CELSR1: variants seen among roughly 807,000 people sequenced by gnomAD.
CELSR1 encodes the protein cadherin EGF LAG seven-pass G-type receptor 1.
A neutral mutation model predicts 249.1 loss-of-function variants in CELSR1; 110 were observed. That is an observed-to-expected ratio of 0.44 (90% CI 0.38 to 0.52). The LOEUF is 0.52. Ranked by LOEUF, CELSR1 falls within the 20% of genes least tolerant of loss-of-function variation. The probability of loss-of-function intolerance (pLI) is 0.00; values close to 1 mark genes in which losing one functional copy is unlikely to be tolerated. For missense variants in CELSR1, 4,109 were observed against 4,296.4 expected (o/e 0.96, Z 1.22); for synonymous variants, 2,113 against 1,900.0 (o/e 1.11, Z -2.92).
intron 1 of CELSR1, among the ~76,000 whole-genome samples, chr22:46,482,763 A>C (rs1477854180): frequency 6.6e-6 from 1 of 152,190 alleles, no homozygotes; most frequent in Non-Finnish European, 1.5e-5. Context: ...AACTCACAAG[A>C]TGATTCTCTA....
Position 46,366,997 on chromosome 22 carries a change from A to G in CELSR1, c.8201T>C (p.Leu2734Pro), listed in dbSNP as rs547182503. ...GGTGTCCCCGGCGCCTCCTACCGTCAGCAGGGTGGCCCTGGTGGTGGCGGA... is the reference window on the plus strand; with the variant it reads ...GGTGTCCCCGGCGCCTCCTACCGTCGGCAGGGTGGCCCTGGTGGTGGCGGA... ...EDSATTRATL[L>P]TRSLNCNTTF... Residue 2734 changes from leucine to proline, a missense_variant, in exon 29 of 35, where the codon CTG (leucine) becomes CCG (proline). Leu to Pro is a moderately conservative substitution (Grantham distance 98). This residue lies in a region of CELSR1 where 1,805 missense variants were observed against 1,831.6 expected (regional missense o/e 0.99). Coordinates refer to ENST00000674500, the MANE Select transcript of CELSR1 (RefSeq NM_001378328.1). The G allele has an allele frequency of 6.2e-7, 1 of 1,608,850 alleles. No homozygotes were observed. Among genetic ancestry groups the G allele is most frequent in the East Asian group, 2.2e-5 (1 of 44,758 alleles).
At position 46,436,342 on chromosome 22, in the gene CELSR1, G is replaced by T; in HGVS notation, c.4407-53C>A. On this transcript the variant is annotated intron_variant, in intron 3 of 34. Coordinates refer to ENST00000674500, the MANE Select transcript of CELSR1 (RefSeq NM_001378328.1). This position sits in a 1 kb window ranked among gnomAD's most constrained non-coding sequence, Gnocchi z 5.9. ...AGGATGAAGACCCCAGGGTCCAAAG[G>T]CTGCCTAGGAATGACAAGTCCAGCC... The T allele has an allele frequency of 7.0e-7, 1 of 1,424,630 alleles. No individual in the cohort carries two copies. Among genetic ancestry groups the T allele is most frequent in the South Asian group, 1.2e-5 (1 of 86,084 alleles). 88.2% of individuals were successfully genotyped at this position (1,424,630 alleles called of 1,614,324 possible).
chr22:46,363,916 T>C lies in CELSR1; in HGVS notation c.9035+80A>G, dbSNP rs2078734160. On this transcript the variant is annotated intron_variant, in intron 34 of 34. Coordinates refer to ENST00000674500, the MANE Select transcript of CELSR1 (RefSeq NM_001378328.1). This position sits in a 1 kb window ranked among gnomAD's most constrained non-coding sequence, Gnocchi z 4.3. ...CCAGGTGAGGTGGGTGTCAGGTCCC[T>C]GACCACTGCCCCCTCTCTCTCCTGA... 6.9e-7 allele frequency: 1 copy of C among 1,449,262 alleles called. No individual in the cohort carries two copies. The highest frequency in any genetic ancestry group is 9.1e-7 in the Non-Finnish European group (1 of 1,099,414). 89.8% of individuals were successfully genotyped at this position (1,449,262 alleles called of 1,614,324 possible).
chr22:46,525,303 G>A (rs140015763), intron 1 of CELSR1, among the ~76,000 whole-genome samples: 3 of 152,294 alleles, frequency 2.0e-5, no homozygotes, highest in African/African-American at 7.2e-5. Flanking sequence ...TACAAAATTA[G>A]CCGGGTGTGG....
rs1173675405 is a variant in CELSR1 at position 46,430,749 on chromosome 22, A to G, written c.4611+2644T>C. ...TCCTGACCTCAAGCTGGCCCCCGCC[A>G]CCCCTCCAGGCCCCCACACTGCTCC... On this transcript the variant is annotated intron_variant, in intron 5 of 34. Coordinates refer to ENST00000674500, the MANE Select transcript of CELSR1 (RefSeq NM_001378328.1). The surrounding 1 kb of genome is among the most constrained non-coding windows in gnomAD (Gnocchi z 4.6). Among the ~76,000 whole-genome samples the G allele has an allele frequency of 6.7e-6, 1 of 149,814 alleles. No homozygotes were observed. Among genetic ancestry groups the G allele is most frequent in the Non-Finnish European group, 1.5e-5 (1 of 67,502 alleles).
intron 1 of CELSR1, among the ~76,000 whole-genome samples, chr22:46,503,902 T>C (rs1008969387): frequency 1.3e-5 from 2 of 152,012 alleles, no homozygotes; most frequent in African/African-American, 4.8e-5. Flanking sequence ...GGTGTGGCGA[T>C]GTGCATCCGT....
Position 46,479,708 on chromosome 22 carries a change from T to C in CELSR1, c.3545-15363A>G, listed in dbSNP as rs1379379884. Among the ~76,000 whole-genome samples the C allele has an allele frequency of 3.3e-5, 5 of 152,280 alleles. No homozygotes were observed. The East Asian group carries it at 9.7e-4, about 29-fold the overall frequency. ...TATATCACAGCCGGGAAGCAGCAAA[T>C]GGACAGGCTGTCTTATCATTTCAAG... On this transcript the variant is annotated intron_variant, in intron 1 of 34. Transcript: ENST00000674500.
At chr22:46,481,380 C>A in intron 1 of CELSR1, 1 of 952,098 alleles carries the variant, frequency 1.1e-6, no homozygotes, top group Non-Finnish European at 1.7e-6. Flanking sequence ...TAGTTGGGAG[C>A]AGGTGCATGT....
At chr22:46,367,912 C>T in intron 27 of CELSR1, 57 bp from the exon 28 acceptor site, 2 of 1,549,178 alleles carry the variant, frequency 1.3e-6, no homozygotes, top group Non-Finnish European at 1.7e-6. Context: ...CCCTTCCTCC[C>T]TCCCTCTCTG....
In CELSR1 at chr22:46,411,082, C is replaced by T. The variant is rs1039015604; in HGVS notation, c.4769+520G>A. ...GGCGTGGTGGTGCATGCCTGTAGTC[C>T]CAGCTACTCGGGAGGCTGTGGCAGG... is the stretch of plus-strand genomic sequence containing the variant. On this transcript the variant is annotated intron_variant, in intron 6 of 34. Coordinates refer to ENST00000674500, the MANE Select transcript of CELSR1 (RefSeq NM_001378328.1). This position sits in a 1 kb window ranked among gnomAD's most constrained non-coding sequence, Gnocchi z 4.2. Among the ~76,000 whole-genome samples, 1 of 152,096 alleles carries T rather than the reference C, an allele frequency of 6.6e-6. No homozygotes were observed. The highest frequency in any genetic ancestry group is 1.9e-4 in the East Asian group (1 of 5,186).
chr22:46,484,859 T>C lies in CELSR1; in HGVS notation c.3545-20514A>G, dbSNP rs2080299049. Among the ~76,000 whole-genome samples, 1 of 150,790 alleles carries C rather than the reference T, an allele frequency of 6.6e-6. No individual in the cohort carries two copies. On this transcript the variant is annotated intron_variant, in intron 1 of 34. Transcript: ENST00000674500. This position sits in a 1 kb window ranked among gnomAD's most constrained non-coding sequence, Gnocchi z 4.5. ...AATTTAGTGAATGGCGAGCAAATCATTTTCTTTGGGGGAAAAGATCAAATA... is the reference window on the plus strand; with the variant it reads ...AATTTAGTGAATGGCGAGCAAATCACTTTCTTTGGGGGAAAAGATCAAATA...
rs967348162 is a variant in CELSR1 at position 46,430,536 on chromosome 22, T to C, written c.4611+2857A>G. 1.3e-5 allele frequency among the ~76,000 whole-genome samples: 2 copies of C among 152,118 alleles called. No individual in the cohort carries two copies. The highest frequency in any genetic ancestry group is 2.9e-5 in the Non-Finnish European group (2 of 67,974). On this transcript the variant is annotated intron_variant, in intron 5 of 34. Transcript: ENST00000674500. This position sits in a 1 kb window ranked among gnomAD's most constrained non-coding sequence, Gnocchi z 4.6. ...TGGTCATGGCCCTGGACACCCCTCA[T>C]CGTCCAGCCCCAACGCCTCCTCCTC...
intron 5 of CELSR1, among the ~76,000 whole-genome samples, chr22:46,425,684 T>A (rs1179605461): frequency 7.0e-6 from 1 of 141,978 alleles, no homozygotes; most frequent in Non-Finnish European, 1.6e-5. Context: ...CTAGAAGTTT[T>A]CCCCCGCTTT....
rs959330311 is a variant in CELSR1 at position 46,446,053 on chromosome 22, A to G, written c.4184-6642T>C. ...GCTGGCCTCACCATGTGTCAGTCCCACTGGCTAGACTCCCACTGCTCCATA... is the reference window on the plus strand; with the variant it reads ...GCTGGCCTCACCATGTGTCAGTCCCGCTGGCTAGACTCCCACTGCTCCATA... On this transcript the variant is annotated intron_variant, in intron 2 of 34. Coordinates refer to ENST00000674500, the MANE Select transcript of CELSR1 (RefSeq NM_001378328.1). This position sits in a 1 kb window ranked among gnomAD's most constrained non-coding sequence, Gnocchi z 5.5. 7.2e-5 allele frequency among the ~76,000 whole-genome samples: 11 copies of G among 152,066 alleles called. No homozygotes were observed. The highest frequency in any genetic ancestry group is 2.4e-4 in the African/African-American group (10 of 41,392).
intron 1 of CELSR1, among the ~76,000 whole-genome samples, chr22:46,530,803 C>T (rs866566121): frequency 1.7e-4 from 26 of 152,348 alleles, no homozygotes; most frequent in African/African-American, 6.0e-4. Flanking sequence ...CCCTGCCCTC[C>T]GATGCGCTCC....
rs762310907 is a variant in CELSR1 at position 46,390,488 on chromosome 22, T to C, written c.6251-2A>G. ...CGCTGCAGTGTCGGACCGCATTTCC[T>C]GGGGAAGGAGAGCAGGTGTGCAAAG... On this transcript the variant is annotated splice_acceptor_variant, in intron 16 of 34. Transcript: ENST00000674500. LOFTEE classifies it high-confidence loss of function. This position sits in a 1 kb window ranked among gnomAD's most constrained non-coding sequence, Gnocchi z 6.3. 2 of 1,612,820 alleles carry C rather than the reference T, an allele frequency of 1.2e-6. No homozygotes were observed. Among genetic ancestry groups the C allele is most frequent in the Admixed American group, 1.7e-5 (1 of 59,936 alleles).
intron 11 of CELSR1, 104 bp from the exon 12 acceptor site, chr22:46,397,952 G>A: frequency 2.1e-6 from 2 of 973,156 alleles, no homozygotes; most frequent in Non-Finnish European, 2.8e-6. Flanking sequence ...ATTCATCTGT[G>A]ATGCCTCATT....
chr22:46,422,596 T>A (rs1040699086), intron 5 of CELSR1, among the ~76,000 whole-genome samples: 213 of 148,640 alleles, frequency 1.4e-3, no homozygotes, highest in South Asian at 2.1e-3. Context: ...TAATAAAAAA[T>A]AAATAAATAA....
chr22:46,377,106 G>A lies in CELSR1; in HGVS notation c.7539C>T (p.Leu2513=). 1 of 1,613,612 alleles carries A rather than the reference G, an allele frequency of 6.2e-7. No homozygotes were observed. The highest frequency in any genetic ancestry group is 1.3e-5 in the African/African-American group (1 of 75,046). Residue 2513 remains leucine, a synonymous_variant, in exon 24 of 35, where the codon CTC becomes CTT. Coordinates refer to ENST00000674500, the MANE Select transcript of CELSR1 (RefSeq NM_001378328.1). ...TCCCAATCACGAACACCAGCTGAGA[G>A]AGGAAGAGCGCCACGGCGAGGTGCT... ...IHKHLAVALF[L]SQLVFVIGIN... is the part of the protein sequence containing the mutation.
Sources: allele counts gnomAD v4.1 joint callset (sites outside exome capture counted in the v4.1 genomes callset), GRCh38; gene constraint gnomAD v4.1.1; regional missense constraint gnomAD v4.1.1; non-coding constraint Gnocchi (gnomAD v3.1); transcripts MANE v1.5; gene names NCBI Gene and HGNC (gene_info 2026-07-23, HGNC 2026-07-21).